The following FRY variants were observed in gnomAD, a reference collection of about 807,000 sequenced individuals.
FRY encodes the protein FRY microtubule binding protein, also known as protein furry homolog.
FRY carries 128 observed loss-of-function variants against 348.4 expected under a neutral mutation model. That is an observed-to-expected ratio of 0.37 (90% CI 0.32 to 0.43). FRY has a LOEUF of 0.43. Ranked by LOEUF, FRY falls within the 20% of genes least tolerant of loss-of-function variation. FRY has a pLI of 1.00. For synonymous variants in FRY, 1,370 were observed against 1,374.7 expected (o/e 1.00, Z 0.08); for missense variants, 2,736 against 3,695.2 (o/e 0.74, Z 6.73).
intron 3 of FRY, among the ~76,000 whole-genome samples, chr13:32,103,111 GT>G (rs1295169045): frequency 6.6e-6 from 1 of 152,218 alleles, no homozygotes; most frequent in Non-Finnish European, 1.5e-5. Context: ...GACCTCACAG[GT>G]TTATGCTCAC....
intron 28 of FRY, among the ~76,000 whole-genome samples, chr13:32,189,589 C>T (rs1204492174): frequency 6.6e-6 from 1 of 151,456 alleles, no homozygotes; most frequent in Non-Finnish European, 1.5e-5. Context: ...TGTTACAATA[C>T]TAAAAAAAAT....
intron 3 of FRY, among the ~76,000 whole-genome samples, chr13:32,108,239 T>C (rs1374594985): frequency 6.6e-6 from 1 of 152,174 alleles, no homozygotes; most frequent in Non-Finnish European, 1.5e-5. Context: ...AGAAGACACA[T>C]GCCTCAGGAC....
At chr13:32,122,146 GA>G (rs1356705864) in intron 4 of FRY, among the ~76,000 whole-genome samples, 3 of 152,092 alleles carry the variant, frequency 2.0e-5, no homozygotes, top group African/African-American at 7.2e-5. Context: ...AATAGATGCA[GA>G]AAAAGCATTA....
rs796679510 is a variant in FRY at position 32,151,273 on chromosome 13, C to T, written c.1479+1439C>T. Among the ~76,000 whole-genome samples the T allele has an allele frequency of 7.9e-5, 12 of 152,194 alleles. No homozygotes were observed. In the East Asian group the frequency reaches 1.9e-3, roughly 24 times the overall value. On this transcript the variant is annotated intron_variant, in intron 14 of 60. Transcript: ENST00000542859. ...GTCAGTGCGTAATTAGTTAACCTCT[C>T]TGTGTAGAGCAGTTGGAACTGTGAT...
intron 3 of FRY, among the ~76,000 whole-genome samples, chr13:32,103,221 C>T (rs980168738): frequency 6.6e-6 from 1 of 152,210 alleles, no homozygotes; most frequent in African/African-American, 2.4e-5. Context: ...TGGGCCTCAT[C>T]TCTTTGTGCC....
chr13:32,265,236 T>C (rs1887855968), intron 53 of FRY, among the ~76,000 whole-genome samples: 1 of 152,214 alleles, frequency 6.6e-6, no homozygotes, highest in Non-Finnish European at 1.5e-5. Flanking sequence ...GGGACCATTA[T>C]GGAAGAGATT....
chr13:32,179,886 T>G, intron 23 of FRY, 87 bp downstream of exon 23: 1 of 1,326,998 alleles, frequency 7.5e-7, no homozygotes, highest in Non-Finnish European at 1.1e-6. Flanking sequence ...AGTCTGTGTG[T>G]TGGCGTGTGC....
At chr13:32,235,743 C>A (rs1055476904) in intron 42 of FRY, among the ~76,000 whole-genome samples, 1 of 152,164 alleles carries the variant, frequency 6.6e-6, no homozygotes, top group Non-Finnish European at 1.5e-5. Context: ...TCTTCCTGTA[C>A]CTCTCCTCTT....
chr13:32,036,881 T>A (rs1872537431), intron 1 of FRY, among the ~76,000 whole-genome samples: 1 of 152,150 alleles, frequency 6.6e-6, no homozygotes, highest in African/African-American at 2.4e-5. Context: ...GACCAAAGGA[T>A]AAAGAACACT....
chr13:32,210,817 G>C, intron 33 of FRY, 49 bp from the exon 34 acceptor site: 1 of 1,516,304 alleles, frequency 6.6e-7, no homozygotes, highest in Non-Finnish European at 9.1e-7. Flanking sequence ...TAGTGTTCCT[G>C]TGGACTAGGC....
intron 28 of FRY, 95 bp downstream of exon 28, chr13:32,187,751 T>C (rs1566119367): frequency 1.4e-6 from 1 of 740,320 alleles, no homozygotes; most frequent in East Asian, 2.5e-5. Context: ...ACAATACCTC[T>C]TCACACATCA....
At chr13:32,050,890 T>TC (rs762978509) in intron 1 of FRY, among the ~76,000 whole-genome samples, 3 of 152,226 alleles carry the variant, frequency 2.0e-5, no homozygotes, top group Non-Finnish European at 4.4e-5. Flanking sequence ...CACTCTCAGT[T>TC]CTCTGAATAA....
chr13:32,295,379 G>C lies in FRY; in HGVS notation c.8961G>C (p.Arg2987=). The C allele has an allele frequency of 6.2e-7, 1 of 1,613,360 alleles. No individual in the cohort carries two copies. The change falls in exon 61 of 61, where the codon CGG becomes CGC. Residue 2987 remains arginine, a synonymous_variant. Transcript: ENST00000542859. The stretch of plus-strand genomic sequence containing the variant: ...TGATGGAGCTGAACATGGAGATCCG[G>C]GACATGATCCGCAGGGCCCAGAGTT... ...TKLMELNMEI[R]DMIRRAQSYR...
chr13:32,062,634 T>G (rs111967866), intron 1 of FRY, among the ~76,000 whole-genome samples: 1 of 152,166 alleles, frequency 6.6e-6, no homozygotes, highest in African/African-American at 2.4e-5. Flanking sequence ...CCTAAAATAT[T>G]TTTTAAATGA....
intron 51 of FRY, 110 bp from the exon 52 acceptor site, chr13:32,261,506 A>T (rs764725303): frequency 1.0e-6 from 1 of 954,150 alleles, no homozygotes; most frequent in East Asian, 2.4e-5. Flanking sequence ...ATGAGGGCCT[A>T]AGAGTTAATA....
Position 32,146,714 on chromosome 13 carries a change from C to T in FRY, c.1180-568C>T, listed in dbSNP as rs570302143. 1.5e-4 allele frequency among the ~76,000 whole-genome samples: 23 copies of T among 152,198 alleles called. No individual in the cohort carries two copies. In the South Asian group the frequency reaches 4.8e-3, roughly 32 times the overall value. ...TTCTTCCTATCCTCTTGCTTCTGTC[C>T]CTACCAGTTTTTCATACTGTTGTAG... On this transcript the variant is annotated intron_variant, in intron 11 of 60. Transcript: ENST00000542859.
chr13:32,298,382 G>A lies in FRY; in HGVS notation c.*2922G>A, dbSNP rs750525495. 1 of 152,186 alleles carries A rather than the reference G, an allele frequency of 6.6e-6. No homozygotes were observed. The highest frequency in any genetic ancestry group is 6.5e-5 in the Admixed American group (1 of 15,276). 9.4% of individuals were successfully genotyped at this position (152,186 alleles called of 1,614,324 possible). On this transcript the variant is annotated 3_prime_UTR_variant, in exon 61 of 61. Coordinates refer to ENST00000542859, the MANE Select transcript of FRY (RefSeq NM_023037.3). ...TATCTCAATGAAACTAGTTTTTAAA[G>A]TTTTCAATGCATTTGTTTGAGATCA...
At chr13:32,206,169 C>T (rs887465550) in intron 31 of FRY, among the ~76,000 whole-genome samples, 3 of 151,992 alleles carry the variant, frequency 2.0e-5, no homozygotes, top group South Asian at 2.1e-4. Context: ...ATTAGAGCCA[C>T]GGGCATGGAT....
chr13:32,126,682 G>A (rs1358264512), intron 7 of FRY, among the ~76,000 whole-genome samples: 1 of 152,128 alleles, frequency 6.6e-6, no homozygotes, highest in Admixed American at 6.5e-5. Flanking sequence ...TAACCTTGAT[G>A]GATAGATGGT....
Sources: allele counts gnomAD v4.1 joint callset (sites outside exome capture counted in the v4.1 genomes callset), GRCh38; gene constraint gnomAD v4.1.1; transcripts MANE v1.5; gene names NCBI Gene and HGNC (gene_info 2026-07-23, HGNC 2026-07-21).